The following FBXW7 variants were observed in gnomAD, a reference collection of about 807,000 sequenced individuals.
FBXW7 encodes the protein F-box/WD repeat-containing protein 7.
Under a neutral mutation model 86.3 loss-of-function variants are expected in FBXW7, and 11 were observed. The ratio of observed to expected loss-of-function variants is 0.13; its 90% CI spans 0.08 to 0.21. The LOEUF (loss-of-function observed/expected upper bound fraction) is 0.21, where lower values mean the gene tolerates loss of function less well. FBXW7 is among the 10% of genes least tolerant of loss of function. FBXW7 has a pLI of 1.00. For synonymous variants in FBXW7, 313 were observed against 297.9 expected, an observed-to-expected ratio of 1.05 and a Z score of -0.52; for missense variants, 488 against 847.4, an observed-to-expected ratio of 0.58 and a Z score of 5.27.
chr4:152,412,047 A>T (rs190499140), intron 3 of FBXW7, among the ~76,000 whole-genome samples, 175 bp from the exon 4 acceptor site: 10 of 152,210 alleles, frequency 6.6e-5, no homozygotes, highest in Admixed American at 6.6e-4. Flanking sequence ...TTTAAAAGTT[A>T]TAAGACTTTA....
rs114927493 is a variant in FBXW7 at position 152,365,786 on chromosome 4, A to G, written c.502-15662T>C. Among the ~76,000 whole-genome samples, 546 of 152,282 alleles carry G rather than the reference A, an allele frequency of 3.6e-3. 4 individuals carry two copies. Among genetic ancestry groups the G allele is most frequent in the African/African-American group, 0.013 (525 of 41,572 alleles). On this transcript the variant is annotated intron_variant, in intron 4 of 13. Coordinates refer to ENST00000281708, the MANE Select transcript of FBXW7 (RefSeq NM_001349798.2). ...GGTTGGAGATGAAAATATGTGAATT[A>G]TCTGTATACAGGCTATCTCTGATTT...
In FBXW7 at chr4:152,443,911, A is replaced by G. The variant is rs186673891; in HGVS notation, c.-119-31382T>C. The stretch of plus-strand genomic sequence containing the variant: ...GTCTAAGGTATAGTAGAAAATTTGA[A>G]AACATAAGACATGTAAAGATGAAAT... On this transcript the variant is annotated intron_variant, in intron 2 of 13. Coordinates refer to ENST00000281708, the MANE Select transcript of FBXW7 (RefSeq NM_001349798.2). Among the ~76,000 whole-genome samples the G allele has an allele frequency of 1.3e-3, 201 of 152,340 alleles. 1 individual carries two copies. The highest frequency in any genetic ancestry group is 2.5e-3 in the Non-Finnish European group (168 of 68,028).
chr4:152,361,218 AGT>A (rs1462333687), intron 4 of FBXW7, among the ~76,000 whole-genome samples: 3 of 152,170 alleles, frequency 2.0e-5, no homozygotes, highest in Non-Finnish European at 2.9e-5. Context: ...TAAGTATTCA[AGT>A]GTTTGACATA....
rs137993435 is a variant in FBXW7, at chr4:152,360,784, C to T, written c.502-10660G>A. On this transcript the variant is annotated intron_variant, in intron 4 of 13. Coordinates refer to ENST00000281708, the MANE Select transcript of FBXW7 (RefSeq NM_001349798.2). ...AACAAGCATATATTTTATGTGTGTG[C>T]GCACTGTGTATGCATAGAGAAAAGC... 4.0e-3 allele frequency among the ~76,000 whole-genome samples: 598 copies of T among 150,856 alleles called. 2 individuals carry two copies. The highest frequency in any genetic ancestry group is 0.013 in the African/African-American group (546 of 41,236).
chr4:152,427,144 T>C (rs1739459922), intron 2 of FBXW7, among the ~76,000 whole-genome samples: 1 of 152,134 alleles, frequency 6.6e-6, no homozygotes, highest in African/African-American at 2.4e-5. Flanking sequence ...TTAAATTTAT[T>C]TGTGTAGCAA....
intron 2 of FBXW7, among the ~76,000 whole-genome samples, chr4:152,523,722 C>T (rs1391640991): frequency 6.6e-6 from 1 of 152,158 alleles, no homozygotes; most frequent in Admixed American, 6.6e-5. Context: ...CAGGAACAAT[C>T]AAAAAGTATG....
chr4:152,402,751 C>T lies in FBXW7; in HGVS notation c.501+8552G>A, dbSNP rs1737058104. Among the ~76,000 whole-genome samples, 4 of 152,134 alleles carry T rather than the reference C, an allele frequency of 2.6e-5. No homozygotes were observed. In the South Asian group the frequency reaches 6.2e-4, roughly 24 times the overall value. On this transcript the variant is annotated intron_variant, in intron 4 of 13. Coordinates refer to ENST00000281708, the MANE Select transcript of FBXW7 (RefSeq NM_001349798.2). ...AGTATATATACACATTCTGGGAACA[C>T]ATTGAAGGCATTCAGTCTGGAGAAG...
At position 152,411,566 on chromosome 4, in the gene FBXW7, T is replaced by A. The variant is rs1737972016; in HGVS notation, c.238A>T (p.Asn80Tyr). The A allele has an allele frequency of 6.2e-7, 1 of 1,613,890 alleles. No individual in the cohort carries two copies. The highest frequency in any genetic ancestry group is 1.7e-5 in the Admixed American group (1 of 59,976). Residue 80 changes from asparagine (N) to tyrosine (Y), a missense_variant, in exon 4 of 14, where the codon AAC becomes TAC. Coordinates refer to ENST00000281708, the MANE Select transcript of FBXW7 (RefSeq NM_001349798.2). ...NDSQQGQLEE[N>Y]NNRFISVDED... is the part of the protein sequence containing the mutation. ...TCTACCGAAATAAATCTATTATTGTTTTCTTCCAACTGTCCTTGCTGGGAA... is the reference window on the plus strand; with the variant it reads ...TCTACCGAAATAAATCTATTATTGTATTCTTCCAACTGTCCTTGCTGGGAA...
chr4:152,377,269 T>A (rs542730751), intron 4 of FBXW7, among the ~76,000 whole-genome samples: 1 of 152,184 alleles, frequency 6.6e-6, no homozygotes, highest in Non-Finnish European at 1.5e-5. Flanking sequence ...AGTTTTCTCA[T>A]CTACTGAATG....
chr4:152,353,630 G>C (rs957203487), intron 4 of FBXW7, among the ~76,000 whole-genome samples: 1 of 152,222 alleles, frequency 6.6e-6, no homozygotes, highest in East Asian at 1.9e-4. Context: ...TTAATCTGGA[G>C]TAAACAGGAG....
intron 2 of FBXW7, among the ~76,000 whole-genome samples, chr4:152,484,574 C>G (rs1366168919): frequency 6.6e-6 from 1 of 152,168 alleles, no homozygotes; most frequent in Non-Finnish European, 1.5e-5. Context: ...ACATGTGGCA[C>G]ATTATTCATA....
Position 152,454,011 on chromosome 4 carries a change from C to T in FBXW7, c.-119-41482G>A, listed in dbSNP as rs1008069277. 2.6e-5 allele frequency among the ~76,000 whole-genome samples: 4 copies of T among 152,208 alleles called. No homozygotes were observed. The East Asian group carries it at 7.7e-4, about 29-fold the overall frequency. On this transcript the variant is annotated intron_variant, in intron 2 of 13. Coordinates refer to ENST00000281708, the MANE Select transcript of FBXW7 (RefSeq NM_001349798.2). ...CATTACTTCCCTCATCCATATACAT[C>T]ATTATGTATCACTAAATAATTTGGC... is the stretch of plus-strand genomic sequence containing the variant.
chr4:152,342,091 C>T (rs959949747), intron 6 of FBXW7, among the ~76,000 whole-genome samples: 2 of 152,016 alleles, frequency 1.3e-5, no homozygotes, highest in Non-Finnish European at 2.9e-5. Flanking sequence ...TCATGGTAGC[C>T]ATGTTGGAAC....
Position 152,464,186 on chromosome 4 carries a change from AATTGAGTAAGAGTTG to A in FBXW7, c.-119-51672_-119-51658del, listed in dbSNP as rs983719093. On this transcript the variant is annotated intron_variant, in intron 2 of 13. Transcript: ENST00000281708. ...AAATAATAGTCAAACTTCAGAAAGT[AATTGAGTAAGAGTTG>A]AGAAATTGGAGACACCTAGAATGGA... Among the ~76,000 whole-genome samples the A allele has an allele frequency of 1.9e-3, 297 of 152,352 alleles. 2 individuals carry two copies. The highest frequency in any genetic ancestry group is 6.6e-3 in the African/African-American group (276 of 41,584).
At chr4:152,352,311 G>C (rs779079503) in intron 4 of FBXW7, among the ~76,000 whole-genome samples, 1 of 151,866 alleles carries the variant, frequency 6.6e-6, no homozygotes. Context: ...CAGTCTTTCC[G>C]TTATTTGCTT....
chr4:152,420,536 G>A (rs376623600), intron 2 of FBXW7, among the ~76,000 whole-genome samples: 7 of 152,082 alleles, frequency 4.6e-5, no homozygotes, highest in Admixed American at 1.3e-4. Flanking sequence ...GAATCACTGC[G>A]GCAGCTACAG....
At chr4:152,349,362 G>A (rs887952677) in intron 5 of FBXW7, among the ~76,000 whole-genome samples, 11 of 151,074 alleles carry the variant, frequency 7.3e-5, no homozygotes, top group Non-Finnish European at 1.3e-4. Flanking sequence ...TTTAAAATAC[G>A]ACATTCCAAG....
At chr4:152,337,013 A>G (rs1730198985) in intron 7 of FBXW7, among the ~76,000 whole-genome samples, 2 of 152,006 alleles carry the variant, frequency 1.3e-5, no homozygotes, top group Admixed American at 1.3e-4. Flanking sequence ...GAAAATATAA[A>G]TCATGGTGAT....
rs570173733 is a variant in FBXW7, at chr4:152,479,101, T to C, written c.-120+55840A>G. Among the ~76,000 whole-genome samples, 13 of 152,266 alleles carry C rather than the reference T, an allele frequency of 8.5e-5. No homozygotes were observed. In the South Asian group the frequency reaches 2.1e-3, roughly 24 times the overall value. ...TATGAAATAAAGCAGAATATGATGA[T>C]AGTGAATGTCCTTCCAAGCAAGCTA... On this transcript the variant is annotated intron_variant, in intron 2 of 13. Transcript: ENST00000281708.
Sources: allele counts gnomAD v4.1 joint callset (sites outside exome capture counted in the v4.1 genomes callset), GRCh38; gene constraint gnomAD v4.1.1; transcripts MANE v1.5; gene names NCBI Gene and HGNC (gene_info 2026-07-23, HGNC 2026-07-21).